Variants in MYO15B observed in about 807,000 individuals in gnomAD.
MYO15B encodes myosin XVB.
A neutral mutation model predicts 119.3 loss-of-function variants in MYO15B; 207 were observed. The ratio of observed to expected loss-of-function variants is 1.73; its 90% CI spans 1.55 to 1.95. The LOEUF (loss-of-function observed/expected upper bound fraction) is 1.95. MYO15B is among the 30% of genes most tolerant of loss of function. The pLI, the probability that MYO15B is intolerant of heterozygous loss-of-function variation, is 0.00. For synonymous variants in MYO15B, 966 were observed against 498.9 expected (o/e 1.94, Z -12.48); for missense variants, 2,264 against 1,203.1 (o/e 1.88, Z -13.04).
chr17:75,622,079 A>G (rs201582683), exon 53 of MYO15B: 242 of 702,880 alleles, frequency 3.4e-4, no homozygotes, highest in Non-Finnish European at 5.6e-4. Context: ...GAACTGCTGA[A>G]GGTAAGCCTG....
intron 43 of MYO15B, among the ~76,000 whole-genome samples, chr17:75,618,516 G>T (rs967185249): frequency 1.3e-5 from 2 of 152,202 alleles, no homozygotes; most frequent in Non-Finnish European, 2.9e-5. Context: ...AGGCGTGGTG[G>T]CACGCACCTG....
At chr17:75,619,266 G>T (rs78918218) in intron 44 of MYO15B, 48 bp downstream of exon 44, 17 of 702,596 alleles carry the variant, frequency 2.4e-5, no homozygotes, top group Non-Finnish European at 4.4e-5. Context: ...GCTGGGGGCC[G>T]CGCCTGCCCT....
At chr17:75,625,210 A>G (rs2058963829) in exon 60 of MYO15B, 1 of 702,358 alleles carries the variant, frequency 1.4e-6, no homozygotes, top group African/African-American at 1.7e-5. Context: ...GCAGCACCTC[A>G]GCAAGGCCAA....
intron 16 of MYO15B, 76 bp downstream of exon 16, chr17:75,602,670 T>G (rs1394580902): frequency 1.6e-6 from 1 of 611,660 alleles, no homozygotes; most frequent in Non-Finnish European, 2.9e-6. Context: ...CCCTGGGCGC[T>G]CTTGCCCAAG....
intron 53 of MYO15B, among the ~76,000 whole-genome samples, chr17:75,623,316 C>G (rs1412799627): frequency 6.6e-6 from 1 of 151,352 alleles, no homozygotes; most frequent in Admixed American, 6.6e-5. Flanking sequence ...CAGGGCAAGA[C>G]TGTCTCAAAA....
exon 39 of MYO15B, chr17:75,616,579 C>G: frequency 1.4e-6 from 1 of 702,958 alleles, no homozygotes; most frequent in Non-Finnish European, 2.6e-6. Context: ...AAGGTGGGGC[C>G]AAAGCTCCAA....
intron 29 of MYO15B, 83 bp from the exon 30 acceptor site, chr17:75,614,116 C>A: frequency 6.0e-6 from 4 of 666,432 alleles, no homozygotes; most frequent in Non-Finnish European, 1.1e-5. Flanking sequence ...CTTCCTCAGC[C>A]CCCTGCCCCC....
chr17:75,609,172 C>G (rs572744017), intron 21 of MYO15B, among the ~76,000 whole-genome samples: 1 of 151,840 alleles, frequency 6.6e-6, no homozygotes, highest in Admixed American at 6.6e-5. Context: ...CCATTGCACC[C>G]GACCAGTGGT....
At chr17:75,609,455 A>G (rs1259494016) in intron 21 of MYO15B, among the ~76,000 whole-genome samples, 1 of 145,774 alleles carries the variant, frequency 6.9e-6, no homozygotes, top group Non-Finnish European at 1.5e-5. Flanking sequence ...GATTACAGGC[A>G]TGAGCTACCG....
Position 75,619,688 on chromosome 17 carries a change from GT to G in MYO15B, c.7191del (p.Ser2397ArgfsTer8), listed in dbSNP as rs2058587091. On this transcript the variant is annotated frameshift_variant, in exon 46 of 64. Coordinates refer to ENST00000645453, the Ensembl canonical transcript of MYO15B. LOFTEE classifies it high-confidence loss of function. ...CCCACCACCTTCCTGTAGGGCGAGA[GT>G]GGCAGCGACGTGCAGCTGTTAGCCG... is the stretch of plus-strand genomic sequence containing the variant. The G allele has an allele frequency of 1.4e-6, 1 of 702,868 alleles. No individual in the cohort carries two copies. The highest frequency in any genetic ancestry group is 2.7e-5 in the East Asian group (1 of 37,272). The allele number at this position is 702,868 out of a possible 1,614,324, so 43.5% of individuals were successfully genotyped here.
At chr17:75,607,513 C>T (rs898169874) in intron 21 of MYO15B, among the ~76,000 whole-genome samples, 2 of 151,376 alleles carry the variant, frequency 1.3e-5, no homozygotes, top group South Asian at 2.1e-4. Flanking sequence ...TGCAGTGGCT[C>T]GATCTCGGCT....
exon 9 of MYO15B, chr17:75,592,827 T>G: frequency 1.4e-6 from 1 of 702,100 alleles, no homozygotes; most frequent in South Asian, 1.5e-5. Context: ...AACATCTGCT[T>G]CTCCTCCTCA....
chr17:75,613,433 G>A (rs774365415), exon 28 of MYO15B: 18 of 680,282 alleles, frequency 2.6e-5, no homozygotes, highest in South Asian at 1.9e-4. Flanking sequence ...GCCGGATGGC[G>A]GCGGGGCCGC....
At chr17:75,611,982 T>G in exon 25 of MYO15B, 1 of 702,924 alleles carries the variant, frequency 1.4e-6, no homozygotes. Context: ...ATTGACCTGT[T>G]CCCTTTCTCC....
intron 12 of MYO15B, 65 bp from the exon 13 acceptor site, chr17:75,596,395 G>A: frequency 1.4e-6 from 1 of 696,346 alleles, no homozygotes; most frequent in South Asian, 1.5e-5. Flanking sequence ...CCAGAATGAA[G>A]GAAGCCTCTG....
rs978044130 is a variant in MYO15B at position 75,612,897 on chromosome 17, A to G, written c.4731+4A>G. The stretch of plus-strand genomic sequence containing the variant: ...TGCCCTGGACATCAACAAAGTGGTG[A>G]GTGACACATTGGAGAAGGGACAGGA... On this transcript the variant is annotated splice_donor_region_variant and intron_variant, in intron 26 of 63. Transcript: ENST00000645453. The G allele has an allele frequency of 8.6e-6, 6 of 701,436 alleles. No individual in the cohort carries two copies. In the African/African-American group the frequency reaches 8.7e-5, roughly 10 times the overall value. 43.5% of individuals were successfully genotyped at this position (701,436 alleles called of 1,614,324 possible). A position where few individuals can be genotyped will look rare whatever the true frequency, so the allele number is the denominator to read the frequency against.
At chr17:75,626,752 A>G in exon 64 of MYO15B, 1 of 549,102 alleles carries the variant, frequency 1.8e-6, no homozygotes, top group Non-Finnish European at 3.3e-6. Flanking sequence ...TCTGAGGGAG[A>G]TGCCCACCCG....
chr17:75,598,211 T>C (rs2056993347), intron 14 of MYO15B, among the ~76,000 whole-genome samples: 1 of 146,466 alleles, frequency 6.8e-6, no homozygotes, highest in Admixed American at 7.0e-5. Context: ...GAGGTTGCAG[T>C]GAGCCGAGAT....
intron 49 of MYO15B, 108 bp from the exon 50 acceptor site, chr17:75,620,923 T>A: frequency 1.4e-6 from 1 of 702,370 alleles, no homozygotes; most frequent in Non-Finnish European, 2.6e-6. Context: ...TTTCCTGGCT[T>A]CTGGTCTTGC....
Sources: allele counts gnomAD v4.1 joint callset (sites outside exome capture counted in the v4.1 genomes callset), GRCh38; gene constraint gnomAD v4.1.1; transcripts MANE v1.5; gene names NCBI Gene and HGNC (gene_info 2026-07-23, HGNC 2026-07-21).